SOX5: variants seen among roughly 807,000 people sequenced by gnomAD.
SOX5 encodes the protein SRY-box transcription factor 5, also known as transcription factor SOX-5.
SOX5 carries 9 observed loss-of-function variants against 92.0 expected under a neutral mutation model. The ratio of observed to expected loss-of-function variants is 0.10; its 90% CI spans 0.06 to 0.17. SOX5 has a LOEUF of 0.17. Among genes scored for constraint, SOX5 ranks in the 10% least tolerant of loss-of-function variants. SOX5 has a pLI of 1.00. For synonymous variants in SOX5, 344 were observed against 336.3 expected, an observed-to-expected ratio of 1.02 and a Z score of -0.25; for missense variants, 642 against 944.5, an observed-to-expected ratio of 0.68 and a Z score of 4.20.
chr12:24,220,561 TTA>T (rs1230174978), intron 3 of SOX5, among the ~76,000 whole-genome samples: 1 of 152,078 alleles, frequency 6.6e-6, no homozygotes, highest in Non-Finnish European at 1.5e-5. Context: ...CATACATAGG[TTA>T]TATGTTATTA....
chr12:23,904,827 C>T (rs1473298924), intron 1 of SOX5, among the ~76,000 whole-genome samples: 1 of 152,158 alleles, frequency 6.6e-6, no homozygotes, highest in Non-Finnish European at 1.5e-5. Flanking sequence ...AAGAGCAGCA[C>T]TTTTCACTTC....
intron 1 of SOX5, among the ~76,000 whole-genome samples, chr12:24,552,183 T>A (rs909869769): frequency 6.6e-6 from 1 of 152,218 alleles, no homozygotes; most frequent in Non-Finnish European, 1.5e-5. Context: ...CTCTTTAAAT[T>A]TTATTTTAGA....
chr12:24,374,433 C>T lies in SOX5; in HGVS notation c.-250-5794G>A, dbSNP rs188466232. On this transcript the variant is annotated intron_variant, in intron 1 of 4. Coordinates refer to the SOX5 transcript ENST00000446891. ...GAGTTAAAGTTGGTTATTTATTCCTCGTAGTTGGTGCCCATGTGCAGGGAA... is the reference window on the plus strand; with the variant it reads ...GAGTTAAAGTTGGTTATTTATTCCTTGTAGTTGGTGCCCATGTGCAGGGAA... Among the ~76,000 whole-genome samples, 353 of 152,228 alleles carry T rather than the reference C, an allele frequency of 2.3e-3. 5 individuals are homozygous for T. Among genetic ancestry groups the T allele is most frequent in the Admixed American group, 0.02 (300 of 15,294 alleles).
intron 3 of SOX5, among the ~76,000 whole-genome samples, chr12:23,806,582 TAAAA>T (rs35340250): frequency 2.8e-5 from 2 of 70,454 alleles, no homozygotes; most frequent in Non-Finnish European, 2.8e-5. Flanking sequence ...CTTTTTCCAC[TAAAA>T]AAAAAAAAAA....
intron 1 of SOX5, among the ~76,000 whole-genome samples, chr12:24,396,017 G>A (rs1959854514): frequency 6.6e-6 from 1 of 152,224 alleles, no homozygotes; most frequent in Admixed American, 6.5e-5. Context: ...GTTTAAGAGA[G>A]TCTAATAATT....
At chr12:24,350,506 G>A (rs1268606383) in intron 2 of SOX5, among the ~76,000 whole-genome samples, 1 of 152,058 alleles carries the variant, frequency 6.6e-6, no homozygotes, top group African/African-American at 2.4e-5. Flanking sequence ...ACCATGCCCA[G>A]CTAATTTTTG....
chr12:23,634,762 G>A (rs1302091333), intron 8 of SOX5, among the ~76,000 whole-genome samples: 1 of 151,976 alleles, frequency 6.6e-6, no homozygotes, highest in East Asian at 1.9e-4. Flanking sequence ...AGCCAACCAT[G>A]CCTTTGATAT....
At chr12:23,831,750 A>G (rs893406918) in intron 3 of SOX5, among the ~76,000 whole-genome samples, 1 of 152,068 alleles carries the variant, frequency 6.6e-6, no homozygotes, top group South Asian at 2.1e-4. Flanking sequence ...AAGTTCAGGG[A>G]AAAAGTTCTA....
chr12:24,362,171 T>A (rs892570660), intron 2 of SOX5, among the ~76,000 whole-genome samples: 2 of 152,254 alleles, frequency 1.3e-5, no homozygotes, highest in Admixed American at 1.3e-4. Context: ...CATATGTATA[T>A]TCTTTCCCAT....
chr12:24,377,089 G>A (rs1247592445), intron 1 of SOX5, among the ~76,000 whole-genome samples: 1 of 151,994 alleles, frequency 6.6e-6, no homozygotes, highest in Non-Finnish European at 1.5e-5. Context: ...GTCATGTTCC[G>A]CATCATTCAT....
chr12:24,003,339 T>C (rs11047197), intron 4 of SOX5, among the ~76,000 whole-genome samples: 7,638 of 151,988 alleles, frequency 0.05, 257 homozygotes, highest in Middle Eastern at 0.085. Flanking sequence ...ATAAAAGTCA[T>C]CCATCTTACT....
chr12:23,897,998 T>C (rs752070603), intron 1 of SOX5, among the ~76,000 whole-genome samples: 50 of 152,164 alleles, frequency 3.3e-4, no homozygotes, highest in Non-Finnish European at 5.9e-4. Flanking sequence ...AAAGCCAGAA[T>C]AGTTCTAGTT....
intron 1 of SOX5, among the ~76,000 whole-genome samples, chr12:24,515,841 T>A (rs911237502): frequency 6.6e-6 from 1 of 152,064 alleles, no homozygotes; most frequent in African/African-American, 2.4e-5. Flanking sequence ...TACAAGCGAG[T>A]TGTTTTGTAA....
At chr12:23,753,640 C>T (rs990342189) in intron 4 of SOX5, among the ~76,000 whole-genome samples, 1 of 151,806 alleles carries the variant, frequency 6.6e-6, no homozygotes, top group Non-Finnish European at 1.5e-5. Context: ...AGACTTACAT[C>T]TTTATTTGCC....
At chr12:23,651,725 C>T (rs2054471) in intron 7 of SOX5, among the ~76,000 whole-genome samples, 35,958 of 151,560 alleles carry the variant, frequency 0.24, 4,340 homozygotes, top group Admixed American at 0.26. Flanking sequence ...ATATAAAATA[C>T]GAAGTAGAAA....
intron 4 of SOX5, among the ~76,000 whole-genome samples, chr12:24,152,844 C>T (rs1317583050): frequency 1.5e-5 from 1 of 67,990 alleles, no homozygotes; most frequent in Non-Finnish European, 3.2e-5. Context: ...AGCACTGGCA[C>T]AGGAAAAAAA....
At chr12:24,388,868 C>T (rs947686070) in intron 1 of SOX5, among the ~76,000 whole-genome samples, 5 of 152,182 alleles carry the variant, frequency 3.3e-5, no homozygotes, top group African/African-American at 9.6e-5. Context: ...TCATACAACA[C>T]GTGTTCTCTC....
chr12:23,976,406 C>CAAAAAAAAAAAAAAAAAAAAAA (rs869250917), intron 4 of SOX5, among the ~76,000 whole-genome samples: 5 of 37,866 alleles, frequency 1.3e-4, no homozygotes, highest in Non-Finnish European at 2.0e-4. Flanking sequence ...AACAAAAAAA[C>CAAAAAAAAAAAAAAAAAAAAAA]AAAAAAAAAA....
chr12:24,016,333 C>T (rs943603385), intron 4 of SOX5, among the ~76,000 whole-genome samples: 1 of 152,034 alleles, frequency 6.6e-6, no homozygotes, highest in Non-Finnish European at 1.5e-5. Context: ...AAAAAAACAA[C>T]CATACACAAA....
Sources: gnomAD v4.1 joint callset for allele counts (sites outside exome capture counted in the v4.1 genomes callset) on GRCh38, gnomAD v4.1.1 for gene constraint, MANE v1.5 for transcripts, NCBI Gene and HGNC (gene_info 2026-07-23, HGNC 2026-07-21) for gene names.